The following SLC4A8 variants were observed in gnomAD, a reference collection of about 807,000 sequenced individuals.
SLC4A8 encodes solute carrier family 4 member 8.
In SLC4A8, 40 loss-of-function variants were observed where a neutral mutation model predicts 125.0. The ratio of observed to expected loss-of-function variants is 0.32; its 90% CI spans 0.25 to 0.42. The LOEUF (loss-of-function observed/expected upper bound fraction) is 0.42. Among genes scored for constraint, SLC4A8 ranks in the 10% least tolerant of loss-of-function variants. The probability of loss-of-function intolerance (pLI) is 1.00; values close to 1 mark genes in which losing one functional copy is unlikely to be tolerated. For synonymous variants in SLC4A8, 456 were observed against 476.0 expected (o/e 0.96, Z 0.55); for missense variants, 863 against 1,355.1 (o/e 0.64, Z 5.70).
rs1479267636 is a variant in SLC4A8 at position 51,453,539 on chromosome 12, G to A, written c.414G>A (p.Arg138=). 1.9e-6 allele frequency: 3 copies of A among 1,613,518 alleles called. No homozygotes were observed. Among genetic ancestry groups the A allele is most frequent in the Admixed American group, 3.3e-5 (2 of 59,898 alleles). ...ATCTAGTTATTTGTAATGCTTTCAG[G>A]TGGCTGAAGTTTGAAGAAGATGTTG... The part of the protein sequence containing the change: ...GEDAEWKETA[R]WLKFEEDVED... Residue 138 remains arginine (R), a splice_region_variant and synonymous_variant, in exon 5 of 25, where the codon AGG becomes AGA. Coordinates refer to ENST00000453097, the MANE Select transcript of SLC4A8 (RefSeq NM_001039960.3).
intron 1 of SLC4A8, among the ~76,000 whole-genome samples, chr12:51,411,946 C>T (rs896277691): frequency 3.3e-5 from 5 of 152,128 alleles, no homozygotes; most frequent in Non-Finnish European, 7.3e-5. Context: ...CCTGTGGTTC[C>T]AGCTACTCGG....
chr12:51,460,938 G>A (rs1276925177), intron 8 of SLC4A8, among the ~76,000 whole-genome samples: 1 of 152,176 alleles, frequency 6.6e-6, no homozygotes, highest in East Asian at 1.9e-4. Flanking sequence ...CTTTTCTACA[G>A]CTAGGAATTG....
At chr12:51,488,928 A>G (rs1592265449) in intron 18 of SLC4A8, 68 bp downstream of exon 18, 1 of 1,275,156 alleles carries the variant, frequency 7.8e-7, no homozygotes, top group East Asian at 2.3e-5. Flanking sequence ...ATTTTAGGGT[A>G]AGCACATCTA....
chr12:51,454,466 C>T (rs1443961463), intron 5 of SLC4A8, among the ~76,000 whole-genome samples: 1 of 138,064 alleles, frequency 7.2e-6, no homozygotes, highest in African/African-American at 2.8e-5. Flanking sequence ...ATTTATTGAT[C>T]ATCTGTGGGT....
chr12:51,400,783 C>T (rs11610128), intron 1 of SLC4A8, among the ~76,000 whole-genome samples: 1,327 of 8,098 alleles, frequency 0.16, 238 homozygotes, highest in Non-Finnish European at 0.24. Flanking sequence ...TATATACATA[C>T]ATACACACAC....
At chr12:51,460,482 GGCTATGACT>G (rs1950292726) in intron 8 of SLC4A8, among the ~76,000 whole-genome samples, 1 of 152,136 alleles carries the variant, frequency 6.6e-6, no homozygotes, top group Non-Finnish European at 1.5e-5. Context: ...TTATTTCTAA[GGCTATGACT>G]GCACAGTATC....
intron 1 of SLC4A8, among the ~76,000 whole-genome samples, chr12:51,406,009 T>A (rs1345751387): frequency 6.6e-6 from 1 of 152,206 alleles, no homozygotes; most frequent in African/African-American, 2.4e-5. Flanking sequence ...TCTGGTTCCC[T>A]GGAGATATAT....
chr12:51,394,479 T>G (rs1948221486), intron 1 of SLC4A8, among the ~76,000 whole-genome samples: 1 of 152,180 alleles, frequency 6.6e-6, no homozygotes, highest in South Asian at 2.1e-4. Flanking sequence ...CACCACAGAA[T>G]AGTGACTGCA....
intron 1 of SLC4A8, among the ~76,000 whole-genome samples, chr12:51,429,891 C>T (rs925283386): frequency 6.6e-6 from 1 of 151,548 alleles, no homozygotes; most frequent in Admixed American, 6.6e-5. Flanking sequence ...AAGGAAAGCC[C>T]CTACTTTGGA....
intron 1 of SLC4A8, among the ~76,000 whole-genome samples, chr12:51,435,127 C>G (rs1015887962): frequency 1.3e-5 from 2 of 152,172 alleles, no homozygotes; most frequent in Non-Finnish European, 2.9e-5. Flanking sequence ...GAGGCTTGAT[C>G]AGATTCAGGG....
intron 2 of SLC4A8, among the ~76,000 whole-genome samples, chr12:51,450,299 A>G (rs1329905626): frequency 6.6e-6 from 1 of 152,194 alleles, no homozygotes; most frequent in African/African-American, 2.4e-5. Context: ...AGCATTTTGC[A>G]TGCATAACCT....
chr12:51,470,261 C>G, intron 12 of SLC4A8, 131 bp from the exon 13 acceptor site: 1 of 776,872 alleles, frequency 1.3e-6, no homozygotes. Flanking sequence ...GTACACATCA[C>G]TCTTGCTAAG....
intron 16 of SLC4A8, among the ~76,000 whole-genome samples, chr12:51,483,611 C>CT (rs1951087093): frequency 7.1e-6 from 1 of 140,678 alleles, no homozygotes; most frequent in Non-Finnish European, 1.6e-5. Context: ...AAATAAATGG[C>CT]ATTTTTTTTG....
chr12:51,473,046 G>A (rs1417320816), intron 14 of SLC4A8, among the ~76,000 whole-genome samples: 7 of 152,064 alleles, frequency 4.6e-5, no homozygotes, highest in Non-Finnish European at 8.8e-5. Flanking sequence ...AACCTACACA[G>A]ACACATCATT....
At chr12:51,489,595 A>T in intron 18 of SLC4A8, 105 bp from the exon 19 acceptor site, 1 of 1,430,830 alleles carries the variant, frequency 7.0e-7, no homozygotes, top group Admixed American at 1.9e-5. Flanking sequence ...CTTCCTTCTT[A>T]TCCATACACC....
intron 18 of SLC4A8, 140 bp from the exon 19 acceptor site, chr12:51,489,560 A>G (rs1951252838): frequency 1.4e-5 from 14 of 1,020,810 alleles, no homozygotes; most frequent in Non-Finnish European, 2.0e-5. Context: ...AGGGGCTACA[A>G]GACTCCTCTT....
At position 51,480,332 on chromosome 12, in the gene SLC4A8, A is replaced by G. The variant is rs553729918; in HGVS notation, c.2172+5126A>G. 63 of 1,187,060 alleles carry G rather than the reference A, an allele frequency of 5.3e-5. No individual in the cohort carries two copies. The Middle Eastern group carries it at 1.3e-3, about 24-fold the overall frequency. 73.5% of individuals were successfully genotyped at this position (1,187,060 alleles called of 1,614,324 possible). A position where few individuals can be genotyped will look rare whatever the true frequency, so the allele number is the denominator to read the frequency against. On this transcript the variant is annotated intron_variant, in intron 16 of 24. Coordinates refer to ENST00000453097, the MANE Select transcript of SLC4A8 (RefSeq NM_001039960.3). Reference sequence around the variant, plus strand: ...TATTTATATGTATGTCTTATTATATACAAGGCAGATTTCCCTGGAATAAAA... The same window carrying G: ...TATTTATATGTATGTCTTATTATATGCAAGGCAGATTTCCCTGGAATAAAA...
chr12:51,440,905 T>G, intron 2 of SLC4A8, 116 bp downstream of exon 2: 1 of 1,012,402 alleles, frequency 9.9e-7, no homozygotes. Context: ...GGAAAATCAC[T>G]TGATTTCCTT....
intron 20 of SLC4A8, 83 bp from the exon 21 acceptor site, chr12:51,494,862 A>T: frequency 9.8e-7 from 1 of 1,024,006 alleles, no homozygotes; most frequent in Non-Finnish European, 1.5e-6. Context: ...CAGAGCAGGT[A>T]ATGTAAGAGA....
Sources: gnomAD v4.1 joint callset for allele counts (sites outside exome capture counted in the v4.1 genomes callset) on GRCh38, gnomAD v4.1.1 for gene constraint, MANE v1.5 for transcripts, NCBI Gene and HGNC (gene_info 2026-07-23, HGNC 2026-07-21) for gene names.